The following GOLGA3 variants were observed in gnomAD, a reference collection of about 807,000 sequenced individuals.
GOLGA3 encodes golgin A3.
A neutral mutation model predicts 169.4 loss-of-function variants in GOLGA3; 75 were observed. The ratio of observed to expected loss-of-function variants is 0.44; its 90% CI spans 0.37 to 0.54. GOLGA3 has a LOEUF of 0.54. Among genes scored for constraint, GOLGA3 ranks in the 20% least tolerant of loss-of-function variants. The pLI, the probability that GOLGA3 is intolerant of heterozygous loss-of-function variation, is 0.00. For missense variants in GOLGA3, 1,899 were observed against 1,930.0 expected (o/e 0.98, Z 0.30); for synonymous variants, 824 against 822.4 (o/e 1.00, Z -0.03).
intron 1 of GOLGA3, among the ~76,000 whole-genome samples, chr12:132,822,745 A>AC (rs1393462754): frequency 1.3e-5 from 2 of 151,974 alleles, no homozygotes; most frequent in Admixed American, 6.6e-5. Flanking sequence ...ACATGGTGAA[A>AC]CCCCCACCTC....
intron 18 of GOLGA3, among the ~76,000 whole-genome samples, chr12:132,779,627 T>C (rs1035484945): frequency 2.6e-5 from 4 of 152,238 alleles, no homozygotes; most frequent in African/African-American, 7.2e-5. Flanking sequence ...TGATGTGTTC[T>C]TTCCTGCCTT....
intron 11 of GOLGA3, among the ~76,000 whole-genome samples, chr12:132,792,389 C>T (rs886898375): frequency 7.9e-5 from 12 of 152,220 alleles, no homozygotes; most frequent in Admixed American, 2.0e-4. Flanking sequence ...GCAGCACAGG[C>T]GAGCGAGCAG....
At position 132,816,714 on chromosome 12, in the gene GOLGA3, G is replaced by C; in HGVS notation, c.232C>G (p.Pro78Ala). 1.2e-6 allele frequency: 2 copies of C among 1,614,122 alleles called. No homozygotes were observed. The highest frequency in any genetic ancestry group is 2.2e-5 in the South Asian group (2 of 91,090). ...QNGPTPPFPD[P>A]PSSLDPTTSP... ...GTGGTGGGATCGAGAGACGACGGAG[G>C]GTCTGGGAAGGGTGGCGTTGGCCCG... is the stretch of plus-strand genomic sequence containing the variant. Residue 78 changes from proline to alanine, a missense_variant, in exon 3 of 24, where the codon CCT (proline) becomes GCT (alanine). Pro to Ala is a conservative substitution (Grantham distance 27). Coordinates refer to ENST00000450791, the MANE Select transcript of GOLGA3 (RefSeq NM_001389683.1).
In GOLGA3 at chr12:132,777,192, G is replaced by A; in HGVS notation, c.3723-102C>T. The A allele has an allele frequency of 7.6e-7, 1 of 1,317,464 alleles. No homozygotes were observed. Among genetic ancestry groups the A allele is most frequent in the South Asian group, 1.4e-5 (1 of 71,170 alleles). 81.6% of individuals were successfully genotyped at this position (1,317,464 alleles called of 1,614,324 possible). A position where few individuals can be genotyped will look rare whatever the true frequency, so the allele number is the denominator to read the frequency against. ...CCTGTGGAAGGCGTTCGTCCTGGCA[G>A]GCCCTCTGCTGTGCACTGCGTGCTG... On this transcript the variant is annotated intron_variant, in intron 19 of 23. Coordinates refer to ENST00000450791, the MANE Select transcript of GOLGA3 (RefSeq NM_001389683.1). This position sits in a 1 kb window ranked among gnomAD's most constrained non-coding sequence, Gnocchi z 4.7.
chr12:132,777,893 G>T lies in GOLGA3; in HGVS notation c.3583-88C>A. ...GGGCGCAGGGGGTGAATGCACTCCC[G>T]GCCCCGTGCATGTCCTGGCTGCCGG... On this transcript the variant is annotated intron_variant, in intron 18 of 23. Transcript: ENST00000450791. This position sits in a 1 kb window ranked among gnomAD's most constrained non-coding sequence, Gnocchi z 4.7. 1 of 1,412,340 alleles carries T rather than the reference G, an allele frequency of 7.1e-7. No homozygotes were observed. Among genetic ancestry groups the T allele is most frequent in the Non-Finnish European group, 9.7e-7 (1 of 1,035,458 alleles). 87.5% of individuals were successfully genotyped at this position (1,412,340 alleles called of 1,614,324 possible).
intron 16 of GOLGA3, among the ~76,000 whole-genome samples, chr12:132,782,875 CAAAAAAA>C (rs63295864): frequency 9.8e-6 from 1 of 102,158 alleles, no homozygotes; most frequent in Admixed American, 9.8e-5. Flanking sequence ...GACTCTGTCT[CAAAAAAA>C]AAAAAAAAAA....
intron 15 of GOLGA3, among the ~76,000 whole-genome samples, chr12:132,784,937 A>C (rs916899423): frequency 6.6e-6 from 1 of 152,222 alleles, no homozygotes; most frequent in Non-Finnish European, 1.5e-5. Flanking sequence ...ATGCAGGCAC[A>C]GGTGTGCTCT....
intron 9 of GOLGA3, among the ~76,000 whole-genome samples, 182 bp from the exon 10 acceptor site, chr12:132,796,882 A>G (rs1948867291): frequency 6.6e-6 from 1 of 152,242 alleles, no homozygotes; most frequent in Non-Finnish European, 1.5e-5. Flanking sequence ...CCCAACCAGG[A>G]GACCGAGGCC....
At chr12:132,815,723 C>T (rs1007537225) in intron 3 of GOLGA3, among the ~76,000 whole-genome samples, 30 of 151,946 alleles carry the variant, frequency 2.0e-4, no homozygotes, top group African/African-American at 7.0e-4. Flanking sequence ...TGGTGAGACC[C>T]CGTTTCTACA....
At chr12:132,817,151 C>A (rs1164574757) in intron 2 of GOLGA3, among the ~76,000 whole-genome samples, 1 of 148,522 alleles carries the variant, frequency 6.7e-6, no homozygotes, top group Admixed American at 6.7e-5. Context: ...GTGAACCCGC[C>A]CTCCACTCCT....
chr12:132,795,932 T>C lies in GOLGA3; in HGVS notation c.2389A>G (p.Arg797Gly), dbSNP rs142329713. The change falls in exon 11 of 24, where the codon AGA becomes GGA. Residue 797 changes from arginine to glycine, a missense_variant. Transcript: ENST00000450791. ...TCCTCGGTACCTTCTTCCAAGCGTC[T>C]TGCTCCTCTGTCAAGCTCCTCCTTG... ...SGKEELDRGA[R>G]RLEEGTEETS... The C allele has an allele frequency of 1.9e-6, 3 of 1,614,054 alleles. No homozygotes were observed. Among genetic ancestry groups the C allele is most frequent in the African/African-American group, 2.7e-5 (2 of 74,950 alleles).
At chr12:132,808,894 C>T (rs924593319) in intron 4 of GOLGA3, among the ~76,000 whole-genome samples, 1 of 152,164 alleles carries the variant, frequency 6.6e-6, no homozygotes, top group Non-Finnish European at 1.5e-5. Flanking sequence ...CCCCTGTGTG[C>T]GGCGACGAGA....
rs1369548785 is a variant in GOLGA3, at chr12:132,769,334, A to C, written c.*3771T>G. On this transcript the variant is annotated 3_prime_UTR_variant, in exon 24 of 24. Coordinates refer to ENST00000450791, the MANE Select transcript of GOLGA3 (RefSeq NM_001389683.1). Reference sequence around the variant, plus strand: ...CCCTCCTAGAATCTTCACGTACAACATTCTGTTTTTGTTTTTAAAGACCTC... The same window carrying C: ...CCCTCCTAGAATCTTCACGTACAACCTTCTGTTTTTGTTTTTAAAGACCTC... The C allele has an allele frequency of 6.6e-6, 1 of 152,172 alleles. No individual in the cohort carries two copies. The highest frequency in any genetic ancestry group is 2.4e-5 in the African/African-American group (1 of 41,436). 9.4% of individuals were successfully genotyped at this position (152,172 alleles called of 1,614,324 possible). A position where few individuals can be genotyped will look rare whatever the true frequency, so the allele number is the denominator to read the frequency against.
At position 132,804,777 on chromosome 12, in the gene GOLGA3, G is replaced by A; in HGVS notation, c.1536C>T (p.Tyr512=). The A allele has an allele frequency of 1.2e-6, 2 of 1,614,232 alleles. No homozygotes were observed. Among genetic ancestry groups the A allele is most frequent in the Non-Finnish European group, 1.7e-6 (2 of 1,180,032 alleles). Residue 512 remains tyrosine (Y), a synonymous_variant, in exon 7 of 24, where the codon TAC becomes TAT. Coordinates refer to ENST00000450791, the MANE Select transcript of GOLGA3 (RefSeq NM_001389683.1). This position sits in a 1 kb window ranked among gnomAD's most constrained non-coding sequence, Gnocchi z 4.1. ...NNDLQVAEEQ[Y]QRLMAKVEDM... Reference sequence around the variant, plus strand: ...CCTCTACCTTGGCCATAAGCCTCTGGTACTGCTCCTCGGCCACCTGCAAGT... The same window carrying A: ...CCTCTACCTTGGCCATAAGCCTCTGATACTGCTCCTCGGCCACCTGCAAGT...
intron 3 of GOLGA3, among the ~76,000 whole-genome samples, chr12:132,815,922 G>A (rs1033505530): frequency 6.6e-6 from 1 of 152,118 alleles, no homozygotes; most frequent in African/African-American, 2.4e-5. Flanking sequence ...AAACAGGCTG[G>A]GCCTGGTGGC....
At position 132,822,054 on chromosome 12, in the gene GOLGA3, C is replaced by T. The variant is rs755343593; in HGVS notation, c.75G>A (p.Glu25=). The change falls in exon 2 of 24, where the codon GAG becomes GAA. Residue 25 remains glutamate (E), a synonymous_variant. Coordinates refer to ENST00000450791, the MANE Select transcript of GOLGA3 (RefSeq NM_001389683.1). ...GTGGGCCCGGGGGCTTCAGTGGGGCCTCGGGGAGAGACGAGGGGCCACTGT... is the reference window on the plus strand; with the variant it reads ...GTGGGCCCGGGGGCTTCAGTGGGGCTTCGGGGAGAGACGAGGGGCCACTGT... ...RSHSGPSSLP[E]APLKPPGPLV... is the part of the protein sequence containing the mutation. 8 of 1,606,972 alleles carry T rather than the reference C, an allele frequency of 5.0e-6. No individual in the cohort carries two copies. In the African/African-American group the frequency reaches 8.1e-5, roughly 16 times the overall value.
At position 132,822,151 on chromosome 12, in the gene GOLGA3, C is replaced by G. The variant is rs765031167; in HGVS notation, c.-23G>C. 4.4e-6 allele frequency: 7 copies of G among 1,589,618 alleles called. No individual in the cohort carries two copies. Among genetic ancestry groups the G allele is most frequent in the East Asian group, 4.7e-5 (2 of 42,264 alleles). On this transcript the variant is annotated 5_prime_UTR_variant, in exon 2 of 24. Transcript: ENST00000450791. Reference sequence around the variant, plus strand: ...CATGGTCAGGACGACACCAGCTGAGCTGACGCTGAGGGGCTACAAGTGAAC... The same window carrying G: ...CATGGTCAGGACGACACCAGCTGAGGTGACGCTGAGGGGCTACAAGTGAAC...
rs959557332 is a variant in GOLGA3 at position 132,801,642 on chromosome 12, G to C, written c.1800+125C>G. On this transcript the variant is annotated intron_variant, in intron 8 of 23. Coordinates refer to ENST00000450791, the MANE Select transcript of GOLGA3 (RefSeq NM_001389683.1). The stretch of plus-strand genomic sequence containing the variant: ...TCCTACATGGGACACGGGGTGGGCT[G>C]GACAGCAGGTTAAAAACAAAAACAT... The C allele has an allele frequency of 4.6e-5, 41 of 882,372 alleles. No homozygotes were observed. In the African/African-American group the frequency reaches 7.0e-4, roughly 15 times the overall value. The allele number at this position is 882,372 out of a possible 1,614,324, so 54.7% of individuals were successfully genotyped here. A position where few individuals can be genotyped will look rare whatever the true frequency, so the allele number is the denominator to read the frequency against.
chr12:132,824,531 G>A (rs753178427), intron 1 of GOLGA3, among the ~76,000 whole-genome samples: 8 of 152,178 alleles, frequency 5.3e-5, no homozygotes, highest in Non-Finnish European at 1.0e-4. Context: ...AGAAACTACT[G>A]TAAACAAAGG....
Sources: gnomAD v4.1 joint callset for allele counts (sites outside exome capture counted in the v4.1 genomes callset) on GRCh38, gnomAD v4.1.1 for gene constraint, Gnocchi (gnomAD v3.1) non-coding constraint, MANE v1.5 for transcripts, NCBI Gene and HGNC (gene_info 2026-07-23, HGNC 2026-07-21) for gene names.